Variants in SLF2 observed in about 807,000 individuals in gnomAD.
The protein encoded by SLF2 is SMC5/6 complex localization factor 2.
In SLF2, 68 loss-of-function variants were observed where a neutral mutation model predicts 124.3. That is an observed-to-expected ratio of 0.55 (90% CI 0.45 to 0.67). The LOEUF (loss-of-function observed/expected upper bound fraction) is 0.67. Among genes scored for constraint, SLF2 ranks in the 30% least tolerant of loss-of-function variants. The probability of loss-of-function intolerance (pLI) is 0.00; values close to 1 mark genes in which losing one functional copy is unlikely to be tolerated. For missense variants in SLF2, 1,246 were observed against 1,373.7 expected (o/e 0.91, Z 1.47); for synonymous variants, 480 against 478.8 (o/e 1.00, Z -0.03).
chr10:100,916,060 G>C lies in SLF2; in HGVS notation c.184+18G>C. The C allele has an allele frequency of 6.2e-7, 1 of 1,601,150 alleles. No individual in the cohort carries two copies. The highest frequency in any genetic ancestry group is 8.5e-7 in the Non-Finnish European group (1 of 1,171,244). ...AAAACAAGGTATGTACACTGTTGATGCATTTTTTGTGGGCTATTTTGGGGG... is the reference window on the plus strand; with the variant it reads ...AAAACAAGGTATGTACACTGTTGATCCATTTTTTGTGGGCTATTTTGGGGG... On this transcript the variant is annotated intron_variant, in intron 2 of 19. Coordinates refer to ENST00000238961, the MANE Select transcript of SLF2 (RefSeq NM_018121.4).
intron 4 of SLF2, among the ~76,000 whole-genome samples, chr10:100,922,564 T>C (rs1040264443): frequency 5.3e-5 from 8 of 152,226 alleles, no homozygotes; most frequent in African/African-American, 1.9e-4. Context: ...TGCAGAAAAT[T>C]TGATTTAGGG....
At chr10:100,943,866 A>G in intron 11 of SLF2, 160 bp from the exon 12 acceptor site, 1 of 499,696 alleles carries the variant, frequency 2.0e-6, no homozygotes. Context: ...TGGTTACATT[A>G]GTATATATGA....
chr10:100,927,263 C>T (rs995200834), intron 6 of SLF2, among the ~76,000 whole-genome samples: 1 of 152,152 alleles, frequency 6.6e-6, no homozygotes, highest in African/African-American at 2.4e-5. Context: ...TTTTCCTCTT[C>T]CTCCCACCCT....
intron 15 of SLF2, among the ~76,000 whole-genome samples, chr10:100,948,305 A>G (rs1850143777): frequency 6.6e-6 from 1 of 152,196 alleles, no homozygotes; most frequent in Non-Finnish European, 1.5e-5. Context: ...CAGTAAGAAT[A>G]TATCATGTAT....
At chr10:100,951,309 T>C (rs1452614342) in intron 17 of SLF2, among the ~76,000 whole-genome samples, 1 of 152,182 alleles carries the variant, frequency 6.6e-6, no homozygotes, top group Non-Finnish European at 1.5e-5. Context: ...ACTTAACCAT[T>C]ATACTTTGGC....
chr10:100,943,836 C>A (rs1252520730), intron 11 of SLF2, 190 bp from the exon 12 acceptor site: 3 of 434,316 alleles, frequency 6.9e-6, no homozygotes, highest in Non-Finnish European at 1.2e-5. Context: ...TGGAAATGTT[C>A]TATTTCTTGA....
chr10:100,918,481 T>A, intron 4 of SLF2, 40 bp downstream of exon 4: 2 of 1,333,242 alleles, frequency 1.5e-6, no homozygotes, highest in Non-Finnish European at 2.1e-6. Flanking sequence ...TAAATAAATT[T>A]CCATTTTAAT....
At position 100,924,870 on chromosome 10, in the gene SLF2, A is replaced by G; in HGVS notation, c.1869A>G (p.Ser623=). Residue 623 remains serine (S), a synonymous_variant, in exon 5 of 20, where the codon TCA becomes TCG. Transcript: ENST00000238961. ...DSDEEEETLK[S]LEEIMALNFN... ...ATGAGGAAGAGGAAACATTAAAGTC[A>G]CTGGAAGAAATAATGGCTTTGAACT... The G allele has an allele frequency of 6.2e-7, 1 of 1,614,214 alleles. No individual in the cohort carries two copies. Among genetic ancestry groups the G allele is most frequent in the Non-Finnish European group, 8.5e-7 (1 of 1,180,026 alleles).
intron 8 of SLF2, among the ~76,000 whole-genome samples, 187 bp downstream of exon 8, chr10:100,930,184 A>T (rs569995230): frequency 6.6e-6 from 1 of 152,178 alleles, no homozygotes; most frequent in Admixed American, 6.5e-5. Flanking sequence ...TAGTTGTTTG[A>T]CACATCTCAT....
At position 100,924,533 on chromosome 10, in the gene SLF2, GT is replaced by G; in HGVS notation, c.1534del (p.Ser512LeufsTer82). ...KDKERSSSKE[C>X]SGHSTESTKH... ...AAAGAGCGTTCCTCATCTAAAGAAT[GT>G]TCTGGGCATTCTACAGAATCCACCA... On this transcript the variant is annotated frameshift_variant, in exon 5 of 20. Transcript: ENST00000238961. LOFTEE classifies it high-confidence loss of function. 1 of 1,614,094 alleles carries G rather than the reference GT, an allele frequency of 6.2e-7. No homozygotes were observed. Among genetic ancestry groups the G allele is most frequent in the Non-Finnish European group, 8.5e-7 (1 of 1,180,026 alleles).
intron 6 of SLF2, chr10:100,926,486 C>A: frequency 2.4e-6 from 1 of 423,958 alleles, no homozygotes; most frequent in Non-Finnish European, 4.1e-6. Context: ...TACCTATGGT[C>A]CCAGCTACTC....
intron 9 of SLF2, among the ~76,000 whole-genome samples, 184 bp from the exon 10 acceptor site, chr10:100,937,218 A>G (rs1849880897): frequency 6.6e-6 from 1 of 152,086 alleles, no homozygotes; most frequent in African/African-American, 2.4e-5. Context: ...GCCGTCTTGC[A>G]CAGGCTGGTC....
intron 11 of SLF2, among the ~76,000 whole-genome samples, chr10:100,939,915 T>C (rs930216828): frequency 6.6e-6 from 1 of 152,218 alleles, no homozygotes; most frequent in African/African-American, 2.4e-5. Context: ...GTAATCTGTA[T>C]CTGAAAATAT....
At chr10:100,926,249 CG>C (rs1342412095) in intron 6 of SLF2, 1 of 1,522,008 alleles carries the variant, frequency 6.6e-7, no homozygotes, top group South Asian at 1.2e-5. Context: ...TTCAAGGCTG[CG>C]GTGAGTCGTG....
rs772983466 is a variant in SLF2 at position 100,950,151 on chromosome 10, G to C, written c.3196G>C (p.Ala1066Pro). 36 of 1,613,724 alleles carry C rather than the reference G, an allele frequency of 2.2e-5. No individual in the cohort carries two copies. The highest frequency in any genetic ancestry group is 1.3e-4 in the South Asian group (12 of 91,044). The change falls in exon 16 of 20, where the codon GCT becomes CCT. Residue 1066 changes from alanine (A) to proline (P), a missense_variant. Physicochemically the swap from Ala to Pro is conservative, Grantham distance 27. Around this residue, in one of 3 missense-constraint regions of SLF2, gnomAD observed 535 missense variants for 632.8 expected, o/e 0.85. Transcript: ENST00000238961. ...AAAGAAAATGGTCTTGAAGAAAAAG[G>C]CTGAACAACCAGATGGCATTATTGA... The part of the protein sequence containing the change: ...LLKKMVLKKK[A>P]EQPDGIIDDS...
chr10:100,934,981 GATA>G (rs1849815630), intron 9 of SLF2, among the ~76,000 whole-genome samples: 1 of 151,960 alleles, frequency 6.6e-6, no homozygotes, highest in Non-Finnish European at 1.5e-5. Flanking sequence ...AAATGAAAAA[GATA>G]ATAATAGAAA....
intron 18 of SLF2, among the ~76,000 whole-genome samples, chr10:100,957,815 T>C (rs1850361505): frequency 1.3e-5 from 2 of 152,162 alleles, no homozygotes; most frequent in South Asian, 4.1e-4. Flanking sequence ...AGGAAAATAA[T>C]GTTAGTATTA....
At chr10:100,919,959 G>T (rs748723404) in intron 4 of SLF2, among the ~76,000 whole-genome samples, 1 of 152,134 alleles carries the variant, frequency 6.6e-6, no homozygotes, top group African/African-American at 2.4e-5. Flanking sequence ...ACTCTCAACT[G>T]GTAAAATCAA....
intron 3 of SLF2, 111 bp downstream of exon 3, chr10:100,917,411 A>G (rs1350618716): frequency 9.0e-6 from 11 of 1,221,526 alleles, no homozygotes; most frequent in Non-Finnish European, 1.1e-5. Flanking sequence ...TTCCTGAAGG[A>G]AATACTTATG....
Sources: gnomAD v4.1 joint callset for allele counts (sites outside exome capture counted in the v4.1 genomes callset) on GRCh38, gnomAD v4.1.1 for gene constraint, gnomAD v4.1.1 regional missense constraint, MANE v1.5 for transcripts, NCBI Gene and HGNC (gene_info 2026-07-23, HGNC 2026-07-21) for gene names.